TSPEAR: variants seen among roughly 807,000 people sequenced by gnomAD.
TSPEAR encodes thrombospondin-type laminin G domain and EAR repeat-containing protein.
TSPEAR carries 69 observed loss-of-function variants against 71.6 expected under a neutral mutation model. The ratio of observed to expected loss-of-function variants is 0.96; its 90% CI spans 0.79 to 1.18. TSPEAR has a LOEUF of 1.18. Ranked by LOEUF, TSPEAR falls within the 50% of genes most tolerant of loss-of-function variation. The pLI, the probability that TSPEAR is intolerant of heterozygous loss-of-function variation, is 0.00. For synonymous variants in TSPEAR, 402 were observed against 387.2 expected (o/e 1.04, Z -0.45); for missense variants, 971 against 894.9 (o/e 1.09, Z -1.09).
chr21:44,654,702 C>A, intron 1 of TSPEAR: 1 of 894,918 alleles, frequency 1.1e-6, no homozygotes. Flanking sequence ...AGGCTACCGG[C>A]ATCCTGGCAA....
rs201142320 is a variant in TSPEAR at position 44,627,583 on chromosome 21, C to T, written c.83-59578G>A. On this transcript the variant is annotated intron_variant, in intron 1 of 11. Transcript: ENST00000323084. ...TTGCTGTGCCTCTTCCTCCTGCCAG[C>T]CGGCCTGCTGTGTGCCCGTCTGCTG... 136 of 1,613,514 alleles carry T rather than the reference C, an allele frequency of 8.4e-5. No individual in the cohort carries two copies. The African/African-American group carries it at 1.8e-3, about 21-fold the overall frequency.
In TSPEAR at chr21:44,612,882, G is replaced by C. The variant is rs782637094; in HGVS notation, c.83-44877C>G. 4 of 1,610,878 alleles carry C rather than the reference G, an allele frequency of 2.5e-6. No homozygotes were observed. In the South Asian group the frequency reaches 4.4e-5, roughly 18 times the overall value. The stretch of plus-strand genomic sequence containing the variant: ...GCGTGCTCCCGCCTGGCCTGCTGAG[G>C]CCTCTGCTCAGGCCAGGAGTCCAGC... On this transcript the variant is annotated intron_variant, in intron 1 of 11. Transcript: ENST00000323084. This position sits in a 1 kb window ranked among gnomAD's most constrained non-coding sequence, Gnocchi z 4.1.
Position 44,529,880 on chromosome 21 carries a change from C to G in TSPEAR, c.708G>C (p.Pro236=), listed in dbSNP as rs1485643252. 6.2e-7 allele frequency: 1 copy of G among 1,613,346 alleles called. No individual in the cohort carries two copies. The highest frequency in any genetic ancestry group is 2.2e-5 in the East Asian group (1 of 44,896). The change falls in exon 5 of 12, where the codon CCG becomes CCC. Residue 236 remains proline (P), a synonymous_variant. Transcript: ENST00000323084. Reference sequence around the variant, plus strand: ...CCCGTGGGATGGACAGCACCGCCAGCGGGGCGTTCCTGCTGGGACACAGCC... The same window carrying G: ...CCCGTGGGATGGACAGCACCGCCAGGGGGGCGTTCCTGCTGGGACACAGCC... ...TPRLCPSRNA[P]LAVLSIPRVL... is the part of the protein sequence containing the mutation.
intron 1 of TSPEAR, among the ~76,000 whole-genome samples, chr21:44,609,711 A>G (rs1601482250): frequency 6.6e-6 from 1 of 152,202 alleles, no homozygotes; most frequent in Non-Finnish European, 1.5e-5. Flanking sequence ...CCAAGAGGGG[A>G]AAAACATAAA....
chr21:44,507,470 G>A (rs1555912057), intron 10 of TSPEAR, among the ~76,000 whole-genome samples: 1 of 152,136 alleles, frequency 6.6e-6, no homozygotes, highest in African/African-American at 2.4e-5. Context: ...AGAAGGGCTA[G>A]GAGTTTGACT....
intron 1 of TSPEAR, chr21:44,627,502 G>T (rs781867796): frequency 1.3e-6 from 2 of 1,533,706 alleles, no homozygotes; most frequent in Non-Finnish European, 1.8e-6. Flanking sequence ...TGTGTGCTGC[G>T]TGCCCGTCTG....
chr21:44,500,057 T>TC, intron 11 of TSPEAR, 121 bp from the exon 12 acceptor site: 3 of 1,012,760 alleles, frequency 3.0e-6, no homozygotes, highest in Admixed American at 3.2e-5. Flanking sequence ...GCCTCTTCCA[T>TC]CCCCCCGACT....
intron 1 of TSPEAR, chr21:44,647,482 G>A (rs1335677344): frequency 5.2e-6 from 6 of 1,153,176 alleles, no homozygotes; most frequent in African/African-American, 1.6e-5. Context: ...TGCCTGAAGG[G>A]GATTTTGAGC....
At chr21:44,528,235 A>G (rs587607539) in intron 6 of TSPEAR, among the ~76,000 whole-genome samples, 1 of 152,242 alleles carries the variant, frequency 6.6e-6, no homozygotes, top group East Asian at 1.9e-4. Context: ...CCTGTGGCTG[A>G]GTCCTGTGGC....
rs587611513 is a variant in TSPEAR, at chr21:44,670,245, T to C, written c.82+41188A>G. Among the ~76,000 whole-genome samples, 3 of 152,330 alleles carry C rather than the reference T, an allele frequency of 2.0e-5. No homozygotes were observed. The South Asian group carries it at 6.2e-4, about 32-fold the overall frequency. On this transcript the variant is annotated intron_variant, in intron 1 of 11. Coordinates refer to ENST00000323084, the MANE Select transcript of TSPEAR (RefSeq NM_144991.3). ...GTTTCTGTGTCAGGTAGTGGGTTCA[T>C]GGTTCATAGGTGGGGGGGTTGTTAT...
At chr21:44,515,013 A>T (rs1174242466) in intron 9 of TSPEAR, among the ~76,000 whole-genome samples, 7 of 152,124 alleles carry the variant, frequency 4.6e-5, no homozygotes, top group Non-Finnish European at 1.0e-4. Flanking sequence ...ACAGCTCCTC[A>T]AACCCCACCT....
rs1980717904 is a variant in TSPEAR, at chr21:44,600,475, G to C, written c.83-32470C>G. 5 of 927,548 alleles carry C rather than the reference G, an allele frequency of 5.4e-6. No homozygotes were observed. In the Admixed American group the frequency reaches 1.4e-4, roughly 27 times the overall value. 57.5% of individuals were successfully genotyped at this position (927,548 alleles called of 1,614,324 possible). A position where few individuals can be genotyped will look rare whatever the true frequency, so the allele number is the denominator to read the frequency against. ...CTAGGTTTTAAACACAAACAAGGAA[G>C]GGGCAGGAGTTGTTGACACTCCAGC... is the stretch of plus-strand genomic sequence containing the variant. On this transcript the variant is annotated intron_variant, in intron 1 of 11. Coordinates refer to ENST00000323084, the MANE Select transcript of TSPEAR (RefSeq NM_144991.3).
Position 44,689,712 on chromosome 21 carries a change from AATATATATATATAT to A in TSPEAR, c.82+21707_82+21720del, listed in dbSNP as rs71199618. On this transcript the variant is annotated intron_variant, in intron 1 of 11. Transcript: ENST00000323084. ...TCCCTTAGAGGGACAGAATAGAATG[AATATATATATATAT>A]ATATATATATATATTTTGGGGGGGG... Among the ~76,000 whole-genome samples the A allele has an allele frequency of 4.1e-3, 252 of 62,056 alleles. 20 individuals are homozygous for A. The highest frequency in any genetic ancestry group is 0.017 in the African/African-American group (212 of 12,464). 40.7% of individuals were successfully genotyped at this position (62,056 alleles called of 152,430 possible).
intron 1 of TSPEAR, chr21:44,601,598 C>G: frequency 6.2e-7 from 1 of 1,613,650 alleles, no homozygotes; most frequent in Non-Finnish European, 8.5e-7. Context: ...GTGCCCGTCC[C>G]CTCCTGCTGC....
At chr21:44,652,204 C>T (rs1173621958) in intron 1 of TSPEAR, among the ~76,000 whole-genome samples, 2 of 152,204 alleles carry the variant, frequency 1.3e-5, no homozygotes, top group South Asian at 2.1e-4. Flanking sequence ...AGGATGGTCT[C>T]GATCTCCTGA....
chr21:44,582,091 C>T (rs952248095), intron 1 of TSPEAR, among the ~76,000 whole-genome samples: 1 of 152,132 alleles, frequency 6.6e-6, no homozygotes, highest in Non-Finnish European at 1.5e-5. Context: ...CTGAAGGACT[C>T]GATGCTCCTT....
At chr21:44,627,961 C>T (rs1416691214) in intron 1 of TSPEAR, 2 of 1,517,454 alleles carry the variant, frequency 1.3e-6, no homozygotes, top group Non-Finnish European at 9.0e-7. Flanking sequence ...CTATTGCCGC[C>T]AGGCCTCCTG....
intron 1 of TSPEAR, among the ~76,000 whole-genome samples, chr21:44,579,257 AC>A (rs1276142674): frequency 6.6e-6 from 1 of 151,976 alleles, no homozygotes; most frequent in African/African-American, 2.4e-5. Context: ...GCTCAGGAAG[AC>A]CCAGGCATGG....
chr21:44,589,109 T>G (rs587661079), intron 1 of TSPEAR, among the ~76,000 whole-genome samples: 74 of 151,914 alleles, frequency 4.9e-4, no homozygotes, highest in African/African-American at 1.8e-3. Flanking sequence ...AAATTACTAA[T>G]CCATGTAACC....
Sources: gnomAD v4.1 joint callset for allele counts (sites outside exome capture counted in the v4.1 genomes callset) on GRCh38, gnomAD v4.1.1 for gene constraint, Gnocchi (gnomAD v3.1) non-coding constraint, MANE v1.5 for transcripts, NCBI Gene and HGNC (gene_info 2026-07-23, HGNC 2026-07-21) for gene names.